NOS1: variants seen among roughly 807,000 people sequenced by gnomAD.
The protein encoded by NOS1 is nitric oxide synthase 1.
In NOS1, 51 loss-of-function variants were observed where a neutral mutation model predicts 164.5. That is an observed-to-expected ratio of 0.31 (90% confidence interval 0.25 to 0.39). The LOEUF (loss-of-function observed/expected upper bound fraction) is 0.39. Among genes scored for constraint, NOS1 ranks in the 10% least tolerant of loss-of-function variants. NOS1 has a pLI of 1.00. For missense variants in NOS1, 1,362 were observed against 1,885.6 expected (o/e 0.72, Z 5.14); for synonymous variants, 719 against 745.8 (o/e 0.96, Z 0.59).
rs113314024 is a variant in NOS1, at chr12:117,346,715, T to C, written c.-421+14797A>G. On this transcript the variant is annotated intron_variant, in intron 1 of 28. Transcript: ENST00000317775. The stretch of plus-strand genomic sequence containing the variant: ...TTAGGAAGATCCCCCAGTGGATTTA[T>C]GTGCACACTGGAGTTTGAGAAACAC... 6.1e-3 allele frequency among the ~76,000 whole-genome samples: 933 copies of C among 152,284 alleles called. 9 individuals carry two copies. The highest frequency in any genetic ancestry group is 0.021 in the African/African-American group (883 of 41,558).
Position 117,247,339 on chromosome 12 carries a change from C to T in NOS1, c.2823+9G>A. 6.3e-7 allele frequency: 1 copy of T among 1,583,668 alleles called. No homozygotes were observed. The highest frequency in any genetic ancestry group is 1.2e-5 in the South Asian group (1 of 86,728). On this transcript the variant is annotated intron_variant, in intron 18 of 28. Coordinates refer to ENST00000317775, the MANE Select transcript of NOS1 (RefSeq NM_000620.5). ...ACTTTTTCCTGTAGGTCCATGAGAT[C>T]CAGATTACCTTGAAGACCTTCTTGG...
chr12:117,211,174 T>A lies in NOS1; in HGVS notation c.*4135A>T. 3 of 842,874 alleles carry A rather than the reference T, an allele frequency of 3.6e-6. No homozygotes were observed. The highest frequency in any genetic ancestry group is 4.3e-6 in the Non-Finnish European group (3 of 699,916). The allele number at this position is 842,874 out of a possible 1,614,324, so 52.2% of individuals were successfully genotyped here. Reference sequence around the variant, plus strand: ...GGGTTTCTACTAACTGGCTGACTGGTCTCCAACTCCTGACCTCAACTGATA... The same window carrying A: ...GGGTTTCTACTAACTGGCTGACTGGACTCCAACTCCTGACCTCAACTGATA... On this transcript the variant is annotated 3_prime_UTR_variant, in exon 29 of 29. Transcript: ENST00000317775.
intron 8 of NOS1, among the ~76,000 whole-genome samples, chr12:117,278,907 C>T (rs937892466): frequency 3.4e-5 from 5 of 148,668 alleles, no homozygotes; most frequent in African/African-American, 1.2e-4. Context: ...TCTAATATAT[C>T]AAATAATACA....
intron 8 of NOS1, 74 bp from the exon 9 acceptor site, chr12:117,278,172 G>A: frequency 1.4e-6 from 2 of 1,479,644 alleles, no homozygotes; most frequent in Non-Finnish European, 9.0e-7. Context: ...TGGGAAGCGG[G>A]GGTGGGGTGG....
In NOS1 at chr12:117,212,793, A is replaced by T. The variant is rs931297523; in HGVS notation, c.*2516T>A. 1.0e-6 allele frequency: 1 copy of T among 985,414 alleles called. No homozygotes were observed. The highest frequency in any genetic ancestry group is 1.1e-4 in the East Asian group (1 of 8,812). The allele number at this position is 985,414 out of a possible 1,614,324, so 61.0% of individuals were successfully genotyped here. A position where few individuals can be genotyped will look rare whatever the true frequency, so the allele number is the denominator to read the frequency against. On this transcript the variant is annotated 3_prime_UTR_variant, in exon 29 of 29. Coordinates refer to ENST00000317775, the MANE Select transcript of NOS1 (RefSeq NM_000620.5). The stretch of plus-strand genomic sequence containing the variant: ...AGAGGGCAGTATTTCCCCACCCTTG[A>T]TCTGAGCCTAACAATCTGGACTCCA...
At chr12:117,222,203 G>A (rs1049380665) in intron 26 of NOS1, among the ~76,000 whole-genome samples, 3 of 151,958 alleles carry the variant, frequency 2.0e-5, no homozygotes, top group Admixed American at 2.0e-4. Flanking sequence ...TGCCTATTCT[G>A]GATATTACAT....
At chr12:117,354,370 C>A (rs1384843330) in intron 1 of NOS1, among the ~76,000 whole-genome samples, 1 of 152,072 alleles carries the variant, frequency 6.6e-6, no homozygotes, top group Non-Finnish European at 1.5e-5. Flanking sequence ...ATATTAGAAG[C>A]AAAATGATAA....
At chr12:117,288,291 G>A in intron 4 of NOS1, 72 bp from the exon 5 acceptor site, 1 of 1,436,106 alleles carries the variant, frequency 7.0e-7, no homozygotes, top group Admixed American at 1.9e-5. Flanking sequence ...TGTGGGCTTG[G>A]ATCTCGTACT....
intron 28 of NOS1, among the ~76,000 whole-genome samples, chr12:117,216,549 C>A (rs544465594): frequency 2.0e-5 from 3 of 151,782 alleles, no homozygotes; most frequent in Non-Finnish European, 4.4e-5. Context: ...GCCATCATGG[C>A]TCACTGCAGT....
At chr12:117,253,546 C>T in intron 17 of NOS1, 92 bp downstream of exon 17, 2 of 841,520 alleles carry the variant, frequency 2.4e-6, no homozygotes, top group South Asian at 3.0e-5. Context: ...GACACTACCT[C>T]TCCACAACGA....
intron 11 of NOS1, 123 bp from the exon 12 acceptor site, chr12:117,265,633 G>A (rs1872328418): frequency 1.7e-6 from 1 of 584,130 alleles, no homozygotes; most frequent in Admixed American, 3.7e-5. Flanking sequence ...GCAGCGTGAA[G>A]TGAGATGGTG....
chr12:117,311,874 G>A (rs540057902), intron 2 of NOS1, among the ~76,000 whole-genome samples: 2 of 152,282 alleles, frequency 1.3e-5, no homozygotes, highest in East Asian at 1.9e-4. Flanking sequence ...ATGGCAAGGA[G>A]AAGGATTTTG....
At chr12:117,223,417 G>A (rs1044910583) in intron 25 of NOS1, among the ~76,000 whole-genome samples, 4 of 149,876 alleles carry the variant, frequency 2.7e-5, no homozygotes, top group Admixed American at 6.7e-5. Context: ...GCCTGCAACC[G>A]CGCCTGGCTA....
chr12:117,277,133 C>T (rs1029384271), intron 9 of NOS1, among the ~76,000 whole-genome samples: 1 of 152,132 alleles, frequency 6.6e-6, no homozygotes, highest in African/African-American at 2.4e-5. Flanking sequence ...TTCTCTACAT[C>T]TTCACCAGCG....
intron 2 of NOS1, among the ~76,000 whole-genome samples, chr12:117,312,422 G>A (rs1874476005): frequency 6.6e-6 from 1 of 151,650 alleles, no homozygotes; most frequent in African/African-American, 2.4e-5. Flanking sequence ...AGGAATGACT[G>A]TTTTTCGTTT....
chr12:117,347,854 TG>T (rs1454878905), intron 1 of NOS1, among the ~76,000 whole-genome samples: 8 of 152,178 alleles, frequency 5.3e-5, no homozygotes, highest in Non-Finnish European at 7.3e-5. Flanking sequence ...TCTTTCACTT[TG>T]GGTGTGCACC....
rs578060543 is a variant in NOS1 at position 117,262,279 on chromosome 12, C to G, written c.2222+1610G>C. The stretch of plus-strand genomic sequence containing the variant: ...TAGATTTCTCCCTCCCCTTTCCCCC[C>G]AGAGACAGTGGAGCTGAACTGAAGC... On this transcript the variant is annotated intron_variant, in intron 13 of 28. Transcript: ENST00000317775. 7.2e-5 allele frequency among the ~76,000 whole-genome samples: 11 copies of G among 152,158 alleles called. No homozygotes were observed. The East Asian group carries it at 2.1e-3, about 29-fold the overall frequency.
chr12:117,208,736 T>G lies in NOS1; in HGVS notation c.*6573A>C. 9.9e-7 allele frequency: 1 copy of G among 1,009,858 alleles called. No individual in the cohort carries two copies. The highest frequency in any genetic ancestry group is 1.2e-6 in the Non-Finnish European group (1 of 846,460). The allele number at this position is 1,009,858 out of a possible 1,614,324, so 62.6% of individuals were successfully genotyped here. A position where few individuals can be genotyped will look rare whatever the true frequency, so the allele number is the denominator to read the frequency against. Reference sequence around the variant, plus strand: ...GTTCTGGCATGGGAGGGCTTTTTTTTTTTTTTCCACAGGGTCTCATTCTGT... The same window carrying G: ...GTTCTGGCATGGGAGGGCTTTTTTTGTTTTTTCCACAGGGTCTCATTCTGT... On this transcript the variant is annotated 3_prime_UTR_variant, in exon 29 of 29. Coordinates refer to ENST00000317775, the MANE Select transcript of NOS1 (RefSeq NM_000620.5).
At chr12:117,288,599 C>T (rs899345799) in intron 4 of NOS1, among the ~76,000 whole-genome samples, 1 of 152,136 alleles carries the variant, frequency 6.6e-6, no homozygotes, top group African/African-American at 2.4e-5. Flanking sequence ...AAACAGGACC[C>T]TAATTTTTCC....
Sources: allele counts gnomAD v4.1 joint callset (sites outside exome capture counted in the v4.1 genomes callset), GRCh38; gene constraint gnomAD v4.1.1; transcripts MANE v1.5; gene names NCBI Gene and HGNC (gene_info 2026-07-23, HGNC 2026-07-21).